The following YEATS2 variants were observed in gnomAD, a reference collection of about 807,000 sequenced individuals.
The protein encoded by YEATS2 is YEATS domain containing 2.
Under a neutral mutation model 163.2 loss-of-function variants are expected in YEATS2, and 77 were observed. That is an observed-to-expected ratio of 0.47 (90% CI 0.39 to 0.57). The LOEUF is 0.57. Among genes scored for constraint, YEATS2 ranks in the 20% least tolerant of loss-of-function variants. The pLI is 0.00. For missense variants in YEATS2, 1,549 were observed against 1,729.8 expected, an observed-to-expected ratio of 0.90 and a Z score of 1.85; for synonymous variants, 631 against 645.1, an observed-to-expected ratio of 0.98 and a Z score of 0.33.
At chr3:183,809,046 T>C (rs777554819) in intron 29 of YEATS2, 51 bp from the exon 30 acceptor site, 22 of 1,598,900 alleles carry the variant, frequency 1.4e-5, no homozygotes, top group Non-Finnish European at 1.8e-5. Flanking sequence ...GTGTCCCTTC[T>C]TGCCAGCAAG....
intron 19 of YEATS2, among the ~76,000 whole-genome samples, chr3:183,781,718 C>T (rs1366095194): frequency 2.0e-5 from 3 of 151,858 alleles, no homozygotes; most frequent in Admixed American, 1.3e-4. Flanking sequence ...TCCAGCCTGG[C>T]GACAGAACAA....
intron 1 of YEATS2, among the ~76,000 whole-genome samples, chr3:183,707,056 T>G (rs1560215635): frequency 6.6e-6 from 1 of 152,242 alleles, no homozygotes; most frequent in East Asian, 1.9e-4. Flanking sequence ...TAAATGAATT[T>G]CATGTTTAGA....
At chr3:183,798,201 TG>T in intron 22 of YEATS2, 150 bp downstream of exon 22, 1 of 1,244,608 alleles carries the variant, frequency 8.0e-7, no homozygotes, top group South Asian at 1.5e-5. Flanking sequence ...TCAGCTGTCA[TG>T]GTATTCCCAG....
intron 12 of YEATS2, among the ~76,000 whole-genome samples, chr3:183,758,520 A>G (rs1237455469): frequency 1.3e-5 from 2 of 152,198 alleles, no homozygotes; most frequent in South Asian, 2.1e-4. Flanking sequence ...ACATACAAGT[A>G]GAATACGTTA....
At chr3:183,763,710 C>T (rs979768458) in intron 15 of YEATS2, among the ~76,000 whole-genome samples, 1 of 152,136 alleles carries the variant, frequency 6.6e-6, no homozygotes, top group African/African-American at 2.4e-5. Flanking sequence ...CCTTGGTATG[C>T]TTTCAGAGCA....
At chr3:183,793,328 T>A (rs1577205804) in intron 21 of YEATS2, 5 of 1,090,390 alleles carry the variant, frequency 4.6e-6, no homozygotes, top group Non-Finnish European at 5.7e-6. Context: ...GAACAAAAAA[T>A]TAAGGCTGAT....
intron 27 of YEATS2, among the ~76,000 whole-genome samples, chr3:183,805,017 C>T (rs943029571): frequency 1.3e-5 from 2 of 150,656 alleles, no homozygotes; most frequent in Admixed American, 6.6e-5. Flanking sequence ...ACAAAAAAAA[C>T]AGACCACTGC....
Position 183,754,224 on chromosome 3 carries a change from G to C in YEATS2, c.1249G>C (p.Val417Leu), listed in dbSNP as rs746552605. ...CACCAAAATGACTACATCCCAGAAA[G>C]TTACCTTTTGTTCCCATGGCAATTC... ...TPTKMTTSQKVTFCSHGNSAF... is the reference protein window; with the variant it reads ...TPTKMTTSQKLTFCSHGNSAF... The change falls in exon 11 of 31, where the codon GTT becomes CTT. Residue 417 changes from valine (V) to leucine (L), a missense_variant. Coordinates refer to ENST00000305135, the MANE Select transcript of YEATS2 (RefSeq NM_018023.5). The C allele has an allele frequency of 1.2e-6, 2 of 1,613,948 alleles. No individual in the cohort carries two copies. The highest frequency in any genetic ancestry group is 1.1e-5 in the South Asian group (1 of 91,048).
intron 8 of YEATS2, among the ~76,000 whole-genome samples, chr3:183,741,173 A>G (rs562086806): frequency 6.6e-6 from 1 of 152,024 alleles, no homozygotes; most frequent in African/African-American, 2.4e-5. Context: ...TCCTGAACTC[A>G]AGTGATCCAC....
intron 15 of YEATS2, among the ~76,000 whole-genome samples, chr3:183,768,820 A>C (rs976177406): frequency 1.3e-5 from 2 of 152,172 alleles, no homozygotes; most frequent in Non-Finnish European, 1.5e-5. Context: ...TAAAAATACA[A>C]AATTAGCCAG....
intron 27 of YEATS2, among the ~76,000 whole-genome samples, chr3:183,805,959 C>T (rs1185366077): frequency 2.0e-5 from 3 of 151,944 alleles, no homozygotes; most frequent in African/African-American, 7.2e-5. Context: ...GTTAATGATC[C>T]CCGGGCTTCA....
At position 183,791,981 on chromosome 3, in the gene YEATS2, A is replaced by G. The variant is rs182798999; in HGVS notation, c.3097+1001A>G. On this transcript the variant is annotated intron_variant, in intron 21 of 30. Coordinates refer to ENST00000305135, the MANE Select transcript of YEATS2 (RefSeq NM_018023.5). Reference sequence around the variant, plus strand: ...TGAGAGGTTTAAATGAGTTTGTAATATATCAGTGCTTAGAATACTGTCTGG... The same window carrying G: ...TGAGAGGTTTAAATGAGTTTGTAATGTATCAGTGCTTAGAATACTGTCTGG... 2.0e-3 allele frequency among the ~76,000 whole-genome samples: 309 copies of G among 152,314 alleles called. 1 individual carries two copies. Among genetic ancestry groups the G allele is most frequent in the African/African-American group, 6.6e-3 (276 of 41,576 alleles).
intron 19 of YEATS2, among the ~76,000 whole-genome samples, chr3:183,784,888 A>T (rs1461562415): frequency 5.9e-5 from 9 of 151,952 alleles, no homozygotes; most frequent in African/African-American, 2.2e-4. Flanking sequence ...AGCCTGGCCA[A>T]CATGGAGAAA....
At chr3:183,774,173 G>A (rs1366741630) in intron 17 of YEATS2, among the ~76,000 whole-genome samples, 2 of 152,184 alleles carry the variant, frequency 1.3e-5, no homozygotes, top group African/African-American at 2.4e-5. Context: ...GATTGGAATC[G>A]AGTGTGTCTG....
In YEATS2 at chr3:183,803,327, G is replaced by C. The variant is rs1293409450; in HGVS notation, c.3574G>C (p.Ala1192Pro). ...TGGCTGGAACATTGGAAAAAGGAGA[G>C]CCGCTGAGGTAACCCACATCTGCCT... ...YYGWNIGKRR[A>P]AEWQRAMTMR... The change falls in exon 26 of 31, where the codon GCC (alanine) becomes CCC (proline). Residue 1192 changes from alanine to proline, a missense_variant. By Grantham distance (27) the Ala-to-Pro change is conservative. Transcript: ENST00000305135. 6.2e-7 allele frequency: 1 copy of C among 1,610,546 alleles called. No homozygotes were observed. The highest frequency in any genetic ancestry group is 8.5e-7 in the Non-Finnish European group (1 of 1,179,312).
chr3:183,771,597 C>T lies in YEATS2; in HGVS notation c.1948-708C>T, dbSNP rs901682610. ...TTAGGGTCTTGCTCTGTCACCCAGGCTGGAGGGCAGTGGTGTGATCACGGC... is the reference window on the plus strand; with the variant it reads ...TTAGGGTCTTGCTCTGTCACCCAGGTTGGAGGGCAGTGGTGTGATCACGGC... On this transcript the variant is annotated intron_variant, in intron 15 of 30. Coordinates refer to ENST00000305135, the MANE Select transcript of YEATS2 (RefSeq NM_018023.5). Among the ~76,000 whole-genome samples the T allele has an allele frequency of 1.1e-4, 14 of 125,422 alleles. 1 individual carries two copies. In the Admixed American group the frequency reaches 1.5e-3, roughly 13 times the overall value. 82.3% of individuals were successfully genotyped at this position (125,422 alleles called of 152,430 possible).
intron 22 of YEATS2, among the ~76,000 whole-genome samples, chr3:183,798,493 A>G (rs1001215468): frequency 6.6e-6 from 1 of 152,088 alleles, no homozygotes; most frequent in Non-Finnish European, 1.5e-5. Context: ...AGCTGGGACT[A>G]CAGGCGCGTG....
chr3:183,796,076 G>A (rs963317204), intron 21 of YEATS2, among the ~76,000 whole-genome samples: 4 of 146,870 alleles, frequency 2.7e-5, no homozygotes, highest in African/African-American at 7.6e-5. Context: ...TCCGCCTCCC[G>A]AGTTCAAGTG....
At chr3:183,785,827 T>C (rs935932248) in intron 19 of YEATS2, among the ~76,000 whole-genome samples, 1 of 152,226 alleles carries the variant, frequency 6.6e-6, no homozygotes, top group Non-Finnish European at 1.5e-5. Context: ...GAGCATGTTG[T>C]AATCAAGTAT....
Sources: gnomAD v4.1 joint callset for allele counts (sites outside exome capture counted in the v4.1 genomes callset) on GRCh38, gnomAD v4.1.1 for gene constraint, MANE v1.5 for transcripts, NCBI Gene and HGNC (gene_info 2026-07-23, HGNC 2026-07-21) for gene names.